CR1: variants seen among roughly 807,000 people sequenced by gnomAD.
CR1 encodes complement receptor type 1.
A neutral mutation model predicts 187.3 loss-of-function variants in CR1; 116 were observed. That is an observed-to-expected ratio of 0.62 (90% CI 0.53 to 0.72). The LOEUF is 0.72. Ranked by LOEUF, CR1 falls within the 30% of genes least tolerant of loss-of-function variation. CR1 has a pLI of 0.00. For synonymous variants in CR1, 576 were observed against 747.1 expected (o/e 0.77, Z 3.73); for missense variants, 1,731 against 2,110.7 (o/e 0.82, Z 3.52).
intron 3 of CR1, among the ~76,000 whole-genome samples, chr1:207,508,452 C>A (rs1458798802): frequency 1.3e-5 from 2 of 152,202 alleles, no homozygotes; most frequent in African/African-American, 4.8e-5. Flanking sequence ...GAACCAAAAA[C>A]TGTGCTAAAA....
Position 207,639,725 on chromosome 1 carries a change from TTC to T in CR1, c.*318_*319del, listed in dbSNP as rs1224115728. ...AAAGGAATAAGGTGTTGCCTGGAATTTCTGGTTTGTAAGGTGGTCACTGTTCT... is the reference window on the plus strand; with the variant it reads ...AAAGGAATAAGGTGTTGCCTGGAATTTGGTTTGTAAGGTGGTCACTGTTCT... On this transcript the variant is annotated 3_prime_UTR_variant, in exon 47 of 47. Transcript: ENST00000367049. The T allele has an allele frequency of 4.2e-6, 1 of 238,324 alleles. No homozygotes were observed. Among genetic ancestry groups the T allele is most frequent in the Non-Finnish European group, 8.0e-6 (1 of 124,280 alleles). 14.8% of individuals were successfully genotyped at this position (238,324 alleles called of 1,614,324 possible).
chr1:207,603,108 T>C (rs1661651824), intron 35 of CR1, among the ~76,000 whole-genome samples: 1 of 152,134 alleles, frequency 6.6e-6, no homozygotes. Flanking sequence ...ATTCTTTTTT[T>C]TAATTTGACA....
chr1:207,629,484 C>T (rs555230291), intron 45 of CR1, among the ~76,000 whole-genome samples: 39 of 152,300 alleles, frequency 2.6e-4, no homozygotes, highest in African/African-American at 9.4e-4. Flanking sequence ...TACCACTCCA[C>T]TCTTCCTCAT....
At chr1:207,523,050 T>C (rs1049106702) in intron 4 of CR1, among the ~76,000 whole-genome samples, 4 of 152,200 alleles carry the variant, frequency 2.6e-5, no homozygotes, top group African/African-American at 9.6e-5. Context: ...GGAAGTATAT[T>C]TTTGAATGAA....
intron 35 of CR1, among the ~76,000 whole-genome samples, chr1:207,589,198 A>G (rs778499993): frequency 2.0e-5 from 3 of 152,210 alleles, no homozygotes; most frequent in Non-Finnish European, 2.9e-5. Context: ...GCAGCTCTGG[A>G]AGAGTATGCA....
At chr1:207,592,468 A>G (rs1429577200) in intron 35 of CR1, among the ~76,000 whole-genome samples, 1 of 152,242 alleles carries the variant, frequency 6.6e-6, no homozygotes, top group Non-Finnish European at 1.5e-5. Flanking sequence ...GCTATTTATA[A>G]CAAACCCACC....
intron 4 of CR1, 127 bp downstream of exon 4, chr1:207,511,781 G>A (rs1157761365): frequency 2.5e-6 from 2 of 812,640 alleles, no homozygotes; most frequent in Non-Finnish European, 3.8e-6. Context: ...CTGCGGTAAT[G>A]TTCTCGAATA....
intron 32 of CR1, among the ~76,000 whole-genome samples, chr1:207,584,270 C>G (rs1264557151): frequency 6.6e-6 from 1 of 152,132 alleles, no homozygotes; most frequent in Non-Finnish European, 1.5e-5. Flanking sequence ...TTATCCTGTG[C>G]TTTAAACAGT....
intron 35 of CR1, among the ~76,000 whole-genome samples, chr1:207,598,426 T>TC (rs999752362): frequency 8.6e-5 from 13 of 151,624 alleles, no homozygotes; most frequent in Non-Finnish European, 1.9e-4. Flanking sequence ...AAGAACTTTT[T>TC]TTTTTTTCTT....
At chr1:207,609,796 A>G (rs1285028754) in intron 37 of CR1, 108 bp downstream of exon 37, 4 of 1,159,432 alleles carry the variant, frequency 3.4e-6, no homozygotes, top group Middle Eastern at 3.0e-4. Flanking sequence ...TGGCATAAAC[A>G]TAATAGTAGC....
At chr1:207,512,822 T>G (rs760077738) in intron 4 of CR1, among the ~76,000 whole-genome samples, 5 of 152,188 alleles carry the variant, frequency 3.3e-5, no homozygotes, top group Non-Finnish European at 7.4e-5. Flanking sequence ...ACAAAAAATA[T>G]AATAATACAC....
At chr1:207,517,959 G>A (rs918611559) in intron 4 of CR1, among the ~76,000 whole-genome samples, 1 of 151,810 alleles carries the variant, frequency 6.6e-6, no homozygotes, top group African/African-American at 2.4e-5. Flanking sequence ...TAACTTTCTT[G>A]TTTTTTCTTT....
At chr1:207,600,651 C>T (rs540210981) in intron 35 of CR1, 1 of 152,232 alleles carries the variant, frequency 6.6e-6, no homozygotes, top group South Asian at 2.1e-4. Context: ...GCTAATGATC[C>T]TCAAGTGCAT....
chr1:207,575,751 A>T, intron 28 of CR1, 71 bp downstream of exon 28: 1 of 1,603,132 alleles, frequency 6.2e-7, no homozygotes, highest in South Asian at 1.1e-5. Flanking sequence ...AATTACAAAG[A>T]ATGGATCTCA....
chr1:207,572,429 A>C (rs948110688), intron 27 of CR1, among the ~76,000 whole-genome samples: 6 of 151,796 alleles, frequency 4.0e-5, no homozygotes, highest in Non-Finnish European at 7.4e-5. Context: ...CCACCAACAA[A>C]AAGATTACAA....
In CR1 at chr1:207,580,386, G is replaced by T; in HGVS notation, c.5083G>T (p.Asp1695Tyr). 1 of 1,613,882 alleles carries T rather than the reference G, an allele frequency of 6.2e-7. No homozygotes were observed. The highest frequency in any genetic ancestry group is 8.5e-7 in the Non-Finnish European group (1 of 1,179,842). The change falls in exon 30 of 47, where the codon GAC becomes TAC. Residue 1695 changes from aspartate to tyrosine, a missense_variant. Physicochemically the swap from Asp to Tyr is radical, Grantham distance 160. Around this residue, in one of 5 missense-constraint regions of CR1, gnomAD observed 1,312 missense variants for 1,379.6 expected, o/e 0.95. Coordinates refer to ENST00000367049, the MANE Select transcript of CR1 (RefSeq NM_000651.6). Reference sequence around the variant, plus strand: ...GTCTCTGCACTGCACACCCCAGGGAGACTGGAGCCCTGAAGCCCCGAGATG... The same window carrying T: ...GTCTCTGCACTGCACACCCCAGGGATACTGGAGCCCTGAAGCCCCGAGATG... ...AASLHCTPQG[D>Y]WSPEAPRCAV...
At chr1:207,588,606 C>T in intron 34 of CR1, 69 bp from the exon 35 acceptor site, 1 of 1,026,572 alleles carries the variant, frequency 9.7e-7, no homozygotes, top group African/African-American at 1.6e-5. Context: ...GTATGCCACA[C>T]TCCAGTCTGA....
chr1:207,516,126 G>A (rs1659802485), intron 4 of CR1, among the ~76,000 whole-genome samples: 1 of 152,200 alleles, frequency 6.6e-6, no homozygotes, highest in Non-Finnish European at 1.5e-5. Context: ...GGAGGCTGAG[G>A]TGGGAGGATC....
At chr1:207,627,203 A>G (rs1662507788) in intron 45 of CR1, among the ~76,000 whole-genome samples, 1 of 151,994 alleles carries the variant, frequency 6.6e-6, no homozygotes, top group African/African-American at 2.4e-5. Context: ...CCCCACCCCC[A>G]CATTCCTAGT....
Sources: gnomAD v4.1 joint callset for allele counts (sites outside exome capture counted in the v4.1 genomes callset) on GRCh38, gnomAD v4.1.1 for gene constraint, gnomAD v4.1.1 regional missense constraint, MANE v1.5 for transcripts, NCBI Gene and HGNC (gene_info 2026-07-23, HGNC 2026-07-21) for gene names.